ESR2: variants seen among roughly 807,000 people sequenced by gnomAD.
The protein encoded by ESR2 is estrogen receptor beta.
A neutral mutation model predicts 49.6 loss-of-function variants in ESR2; 36 were observed. That is an observed-to-expected ratio of 0.73 (90% CI 0.56 to 0.96). The LOEUF (loss-of-function observed/expected upper bound fraction) is 0.96, where lower values mean the gene tolerates loss of function less well. ESR2 is among the 40% of genes least tolerant of loss of function. The pLI, the probability that ESR2 is intolerant of heterozygous loss-of-function variation, is 0.00. For missense variants in ESR2, 714 were observed against 693.0 expected, an observed-to-expected ratio of 1.03 and a Z score of -0.34; for synonymous variants, 320 against 266.1, an observed-to-expected ratio of 1.20 and a Z score of -1.97.
chr14:64,249,174 G>A (rs182704579), intron 7 of ESR2, among the ~76,000 whole-genome samples: 153 of 152,158 alleles, frequency 1.0e-3, no homozygotes, highest in African/African-American at 3.6e-3. Context: ...TTTACTGAAC[G>A]AATGAATCTG....
At position 64,234,965 on chromosome 14, in the gene ESR2, C is replaced by T. The variant is rs772414570; in HGVS notation, c.1406+5G>A. ...CCAAGCAGAGCAGCTCCTTAGGGCGCGTACCTCGCATGCCTGACGTGGGAC... is the reference window on the plus strand; with the variant it reads ...CCAAGCAGAGCAGCTCCTTAGGGCGTGTACCTCGCATGCCTGACGTGGGAC... On this transcript the variant is annotated splice_donor_5th_base_variant and intron_variant, in intron 8 of 8. Transcript: ENST00000341099. The T allele has an allele frequency of 1.6e-5, 26 of 1,613,738 alleles. No homozygotes were observed. The highest frequency in any genetic ancestry group is 1.6e-4 in the Middle Eastern group (1 of 6,068).
chr14:64,332,814 G>T lies in ESR2; in HGVS notation c.-91+5084C>A, dbSNP rs527964489. ...GACTCCATCTCAAAAAAAAAAAAAA[G>T]GGTACCGTATATGATCAAACATCTC... On this transcript the variant is annotated intron_variant, in intron 1 of 8. Transcript: ENST00000358599. 2.8e-3 allele frequency among the ~76,000 whole-genome samples: 421 copies of T among 149,162 alleles called. 1 individual carries two copies. The highest frequency in any genetic ancestry group is 9.9e-3 in the African/African-American group (402 of 40,568).
At chr14:64,325,107 C>A (rs190822820) in intron 1 of ESR2, among the ~76,000 whole-genome samples, 12 of 152,252 alleles carry the variant, frequency 7.9e-5, no homozygotes, top group Middle Eastern at 3.4e-3. Flanking sequence ...ATGGGTTGTA[C>A]CAATTTAATC....
At chr14:64,247,812 A>G (rs1054929608) in intron 7 of ESR2, among the ~76,000 whole-genome samples, 2 of 152,216 alleles carry the variant, frequency 1.3e-5, no homozygotes, top group African/African-American at 4.8e-5. Context: ...ACACATCTCT[A>G]TTTATTGCAG....
intron 1 of ESR2, among the ~76,000 whole-genome samples, chr14:64,324,717 A>G (rs1352711864): frequency 3.3e-5 from 5 of 152,216 alleles, no homozygotes; most frequent in South Asian, 2.1e-4. Flanking sequence ...AAAAGAAGGA[A>G]ATACTTCCTG....
chr14:64,242,451 AAT>A (rs1264924992), intron 7 of ESR2, among the ~76,000 whole-genome samples: 2,556 of 126,676 alleles, frequency 0.02, 70 homozygotes, highest in East Asian at 0.1. Flanking sequence ...AAACAAAAAA[AAT>A]ATATATATAT....
intron 3 of ESR2, among the ~76,000 whole-genome samples, chr14:64,273,871 A>G: frequency 6.6e-6 from 1 of 150,610 alleles, no homozygotes; most frequent in East Asian, 1.9e-4. Flanking sequence ...GATTGGCATT[A>G]GTTCTTCTTT....
chr14:64,240,611 C>T (rs1304729187), intron 7 of ESR2, among the ~76,000 whole-genome samples: 1 of 152,192 alleles, frequency 6.6e-6, no homozygotes, highest in Non-Finnish European at 1.5e-5. Context: ...CATACATATA[C>T]ATGGTGGAGC....
At chr14:64,280,264 GGGTTCCT>G (rs1305860653) in intron 2 of ESR2, 111 bp from the exon 3 acceptor site, 15 of 786,586 alleles carry the variant, frequency 1.9e-5, no homozygotes, top group Non-Finnish European at 1.5e-5. Context: ...TTTTCCTCCA[GGGTTCCT>G]GGTAAATATA....
intron 1 of ESR2, among the ~76,000 whole-genome samples, chr14:64,309,989 GAC>G (rs1413615588): frequency 6.6e-6 from 1 of 152,146 alleles, no homozygotes; most frequent in African/African-American, 2.4e-5. Context: ...GGGAGGCTGA[GAC>G]AGGAGAATGG....
chr14:64,245,508 TCAAAAA>T (rs1467825629), intron 7 of ESR2, among the ~76,000 whole-genome samples: 1 of 32,910 alleles, frequency 3.0e-5, no homozygotes, highest in Non-Finnish European at 5.1e-5. Context: ...CAAGACTCTG[TCAAAAA>T]AAAAAAAAAA....
rs1367039445 is a variant in ESR2 at position 64,282,937 on chromosome 14, TGTA to T, written c.46_48del (p.Tyr16del). 4 of 1,613,960 alleles carry T rather than the reference TGTA, an allele frequency of 2.5e-6. No homozygotes were observed. The highest frequency in any genetic ancestry group is 1.6e-4 in the Middle Eastern group (1 of 6,084). On this transcript the variant is annotated inframe_deletion, in exon 2 of 9. Coordinates refer to ENST00000341099, the MANE Select transcript of ESR2 (RefSeq NM_001437.3). ...AGGGGTAAGATGGATTGACTGCAGT[TGTA>T]GGAGGAAGGAGAATTAAGGCTAGAT... is the stretch of plus-strand genomic sequence containing the variant.
intron 1 of ESR2, among the ~76,000 whole-genome samples, chr14:64,321,134 A>T (rs934349590): frequency 1.3e-5 from 2 of 152,180 alleles, no homozygotes; most frequent in Non-Finnish European, 2.9e-5. Context: ...GATGAATGCT[A>T]CAACATAGAT....
At chr14:64,335,528 CCTT>C (rs1376634561) in intron 1 of ESR2, among the ~76,000 whole-genome samples, 3 of 152,156 alleles carry the variant, frequency 2.0e-5, no homozygotes. Context: ...CTCTGGACTC[CCTT>C]CTTCTTTGTA....
chr14:64,282,561 T>C, intron 2 of ESR2, 63 bp downstream of exon 2: 3 of 1,488,790 alleles, frequency 2.0e-6, no homozygotes, highest in Non-Finnish European at 2.7e-6. Flanking sequence ...TCCTTCTCAC[T>C]CAACCATAAA....
intron 1 of ESR2, among the ~76,000 whole-genome samples, chr14:64,308,864 A>T (rs2077146955): frequency 6.6e-6 from 1 of 152,020 alleles, no homozygotes; most frequent in African/African-American, 2.4e-5. Context: ...TGTAACCTCA[A>T]ATTCTTGACC....
Position 64,323,206 on chromosome 14 carries a change from T to C in ESR2, c.-91+14692A>G, listed in dbSNP as rs752277219. ...AGTGTTGGGGTAGGCACATGTTATTTTGTTTTTTGTTTGTTTTTTGAGACA... is the reference window on the plus strand; with the variant it reads ...AGTGTTGGGGTAGGCACATGTTATTCTGTTTTTTGTTTGTTTTTTGAGACA... On this transcript the variant is annotated intron_variant, in intron 1 of 8. Coordinates refer to the ESR2 transcript ENST00000358599. 2.0e-5 allele frequency among the ~76,000 whole-genome samples: 3 copies of C among 152,152 alleles called. No homozygotes were observed. In the South Asian group the frequency reaches 6.2e-4, roughly 32 times the overall value.
chr14:64,270,668 C>T (rs1490018099), intron 3 of ESR2, among the ~76,000 whole-genome samples: 2 of 152,110 alleles, frequency 1.3e-5, no homozygotes, highest in East Asian at 3.9e-4. Context: ...CACCACCACG[C>T]CCAGCTAATT....
chr14:64,273,940 C>CTTT lies in ESR2; in HGVS notation c.536-5032_536-5030dup, dbSNP rs58123995. The stretch of plus-strand genomic sequence containing the variant: ...GTCCTGGCTTTTCTTTGCTGAGAGA[C>CTTT]TTTTTTTTTTTTTTTTTGAGACCTG... On this transcript the variant is annotated intron_variant, in intron 3 of 8. Coordinates refer to ENST00000341099, the MANE Select transcript of ESR2 (RefSeq NM_001437.3). Among the ~76,000 whole-genome samples the CTTT allele has an allele frequency of 6.8e-4, 92 of 134,650 alleles. 1 individual carries two copies. The highest frequency in any genetic ancestry group is 7.3e-4 in the African/African-American group (26 of 35,824). The allele number at this position is 134,650 out of a possible 152,430, so 88.3% of individuals were successfully genotyped here.
Sources: allele counts gnomAD v4.1 joint callset (sites outside exome capture counted in the v4.1 genomes callset), GRCh38; gene constraint gnomAD v4.1.1; transcripts MANE v1.5; gene names NCBI Gene and HGNC (gene_info 2026-07-23, HGNC 2026-07-21).